The following DICER1 variants were observed in gnomAD, a reference collection of about 807,000 sequenced individuals.
DICER1 encodes endoribonuclease Dicer.
Under a neutral mutation model 194.1 loss-of-function variants are expected in DICER1, and 43 were observed. The ratio of observed to expected loss-of-function variants is 0.22; its 90% confidence interval spans 0.17 to 0.29. The LOEUF (loss-of-function observed/expected upper bound fraction) is 0.29. Among genes scored for constraint, DICER1 ranks in the 10% least tolerant of loss-of-function variants. The pLI is 1.00. For synonymous variants in DICER1, 832 were observed against 820.5 expected, an observed-to-expected ratio of 1.01 and a Z score of -0.24; for missense variants, 1,608 against 2,317.0, an observed-to-expected ratio of 0.69 and a Z score of 6.28.
intron 11 of DICER1, among the ~76,000 whole-genome samples, chr14:95,113,860 G>A (rs1330974529): frequency 6.6e-6 from 1 of 152,212 alleles, no homozygotes; most frequent in Non-Finnish European, 1.5e-5. Flanking sequence ...TGCAGCAAGG[G>A]CACCTGACCA....
At chr14:95,130,706 C>T (rs1339110963) in intron 4 of DICER1, among the ~76,000 whole-genome samples, 1 of 152,178 alleles carries the variant, frequency 6.6e-6, no homozygotes. Context: ...GCCTCTTAAT[C>T]ACTGTGTATC....
chr14:95,157,724 G>A (rs531601246), upstream of DICER1: 13 of 152,324 alleles, frequency 8.5e-5, no homozygotes, highest in African/African-American at 2.9e-4. Flanking sequence ...CTGGACCTTG[G>A]CGTTGGGCCG....
At chr14:95,122,764 A>T (rs1386688702) in intron 8 of DICER1, among the ~76,000 whole-genome samples, 1 of 152,190 alleles carries the variant, frequency 6.6e-6, no homozygotes, top group Admixed American at 6.5e-5. Context: ...TTTGGTCCCT[A>T]AAGTTATTTT....
At chr14:95,135,990 A>G (rs909964707) in intron 1 of DICER1, among the ~76,000 whole-genome samples, 1 of 152,110 alleles carries the variant, frequency 6.6e-6, no homozygotes, top group African/African-American at 2.4e-5. Flanking sequence ...CAATACTCTT[A>G]TTGTTAGAAA....
intron 22 of DICER1, 32 bp downstream of exon 22, chr14:95,099,745 CACA>C: frequency 7.6e-7 from 1 of 1,311,178 alleles, no homozygotes; most frequent in Non-Finnish European, 1.0e-6. Flanking sequence ...CACACACACA[CACA>C]CACACACACA....
At chr14:95,092,989 C>G (rs1250109535) in intron 24 of DICER1, among the ~76,000 whole-genome samples, 1 of 152,196 alleles carries the variant, frequency 6.6e-6, no homozygotes, top group Non-Finnish European at 1.5e-5. Flanking sequence ...CAGTGCACAT[C>G]TGGGCAGCTG....
rs781007779 is a variant in DICER1 at position 95,096,144 on chromosome 14, C to T, written c.4776G>A (p.Pro1592=). 17 of 1,614,040 alleles carry T rather than the reference C, an allele frequency of 1.1e-5. No homozygotes were observed. In the South Asian group the frequency reaches 1.8e-4, roughly 17 times the overall value. ...FLCSLGLKVL[P]VIKRTDREKA... is the part of the protein sequence containing the mutation. ...TTTCCCGATCAGTCCTTTTAATTAC[C>T]GGGAGCACCTTCAGCCCCAGTGAAC... The change falls in exon 23 of 27, where the codon CCG becomes CCA. Residue 1592 remains proline, a synonymous_variant. Coordinates refer to ENST00000343455, the MANE Select transcript of DICER1 (RefSeq NM_177438.3).
At position 95,104,814 on chromosome 14, in the gene DICER1, A is replaced by T. The variant is rs1189454115; in HGVS notation, c.3269+257T>A. 2.0e-5 allele frequency among the ~76,000 whole-genome samples: 3 copies of T among 152,238 alleles called. No individual in the cohort carries two copies. In the South Asian group the frequency reaches 6.2e-4, roughly 31 times the overall value. ...TAACATATATTTGGATTTTTAAAAGAAAAAACAGACTGAAAATGCTGATGC... is the reference window on the plus strand; with the variant it reads ...TAACATATATTTGGATTTTTAAAAGTAAAAACAGACTGAAAATGCTGATGC... On this transcript the variant is annotated intron_variant, in intron 20 of 26. Transcript: ENST00000343455.
rs549262778 is a variant in DICER1 at position 95,124,076 on chromosome 14, G to A, written c.1376+120C>T. ...AGCATGACGTATCAGCAATGATGGC[G>A]CCAAGTCAAGGACACTTACATAACC... is the stretch of plus-strand genomic sequence containing the variant. On this transcript the variant is annotated intron_variant, in intron 8 of 26. Coordinates refer to ENST00000343455, the MANE Select transcript of DICER1 (RefSeq NM_177438.3). This position sits in a 1 kb window ranked among gnomAD's most constrained non-coding sequence, Gnocchi z 4.5. 20 of 732,326 alleles carry A rather than the reference G, an allele frequency of 2.7e-5. No homozygotes were observed. Among genetic ancestry groups the A allele is most frequent in the African/African-American group, 5.2e-5 (3 of 57,228 alleles). The allele number at this position is 732,326 out of a possible 1,614,324, so 45.4% of individuals were successfully genotyped here. A position where few individuals can be genotyped will look rare whatever the true frequency, so the allele number is the denominator to read the frequency against.
intron 3 of DICER1, among the ~76,000 whole-genome samples, chr14:95,132,228 A>T (rs928093780): frequency 6.6e-6 from 1 of 152,230 alleles, no homozygotes; most frequent in Non-Finnish European, 1.5e-5. Context: ...AAGCTAAAAC[A>T]TCAAGAAAAA....
rs1555370957 is a variant in DICER1 at position 95,108,497 on chromosome 14, C to G, written c.2263G>C (p.Glu755Gln). 1 of 1,614,102 alleles carries G rather than the reference C, an allele frequency of 6.2e-7. No individual in the cohort carries two copies. The highest frequency in any genetic ancestry group is 8.5e-7 in the Non-Finnish European group (1 of 1,179,976). ...CTGGGATAACTATCCCTCAAACACT[C>G]TGGAATCTAGAGTTGGAAAGGAAAA... The part of the protein sequence containing the change: ...RRQCYPKAIP[E>Q]CLRDSYPRPD... The change falls in exon 15 of 27, where the codon GAG (glutamate) becomes CAG (glutamine). Residue 755 changes from glutamate (E) to glutamine (Q), a missense_variant. Physicochemically the swap from Glu to Gln is conservative, Grantham distance 29. Transcript: ENST00000343455.
Position 95,090,299 on chromosome 14 carries a change from A to C in DICER1, c.*199T>G. The C allele has an allele frequency of 1.6e-6, 1 of 629,952 alleles. No individual in the cohort carries two copies. Among genetic ancestry groups the C allele is most frequent in the South Asian group, 2.0e-5 (1 of 49,880 alleles). The allele number at this position is 629,952 out of a possible 1,614,324, so 39.0% of individuals were successfully genotyped here. A position where few individuals can be genotyped will look rare whatever the true frequency, so the allele number is the denominator to read the frequency against. Reference sequence around the variant, plus strand: ...TAAGATTGTGTTTGCGCAAAAAACTAAAACTACAATTAGTTCCAAAATTTT... The same window carrying C: ...TAAGATTGTGTTTGCGCAAAAAACTCAAACTACAATTAGTTCCAAAATTTT... On this transcript the variant is annotated 3_prime_UTR_variant, in exon 27 of 27. Transcript: ENST00000343455.
intron 1 of DICER1, among the ~76,000 whole-genome samples, chr14:95,153,171 C>T (rs140817426): frequency 6.6e-6 from 1 of 151,394 alleles, no homozygotes; most frequent in African/African-American, 2.4e-5. Flanking sequence ...GAGCTGAGAT[C>T]GCACCACTGC....
Position 95,088,520 on chromosome 14 carries a change from A to G in DICER1, c.*1978T>C, listed in dbSNP as rs1340369075. 4.3e-6 allele frequency: 1 copy of G among 232,270 alleles called. No homozygotes were observed. Among genetic ancestry groups the G allele is most frequent in the Non-Finnish European group, 8.5e-6 (1 of 117,406 alleles). 14.4% of individuals were successfully genotyped at this position (232,270 alleles called of 1,614,324 possible). A position where few individuals can be genotyped will look rare whatever the true frequency, so the allele number is the denominator to read the frequency against. On this transcript the variant is annotated 3_prime_UTR_variant, in exon 27 of 27. Transcript: ENST00000343455. ...AACTGCACACTTTTACAGTTATATAATTCAAGAATTGCTTTGTTTTAACTG... is the reference window on the plus strand; with the variant it reads ...AACTGCACACTTTTACAGTTATATAGTTCAAGAATTGCTTTGTTTTAACTG...
Position 95,116,460 on chromosome 14 carries a change from A to G in DICER1, c.1745T>C (p.Ile582Thr), listed in dbSNP as rs749686370. Residue 582 changes from isoleucine (I) to threonine (T), a missense_variant, in exon 10 of 27, where the codon ATT (isoleucine) becomes ACT (threonine). Physicochemically the swap from Ile to Thr is moderately conservative, Grantham distance 89. Coordinates refer to ENST00000343455, the MANE Select transcript of DICER1 (RefSeq NM_177438.3). ...TTAATATGTTGATCTTACCTTTTCA[A>G]TAGCTTTGTAGGTTTTAAGGTCTTC... ...FEEDLKTYKA[I>T]EKILRNKCSK... The G allele has an allele frequency of 1.9e-6, 3 of 1,611,810 alleles. No homozygotes were observed. Among genetic ancestry groups the G allele is most frequent in the Non-Finnish European group, 8.5e-7 (1 of 1,179,900 alleles).
At chr14:95,111,564 T>A in intron 13 of DICER1, 108 bp from the exon 14 acceptor site, 1 of 1,201,634 alleles carries the variant, frequency 8.3e-7, no homozygotes, top group Non-Finnish European at 1.2e-6. Context: ...TAATGGAAAC[T>A]AAAGCACCTT....
At chr14:95,101,480 C>A (rs1890871876) in intron 21 of DICER1, among the ~76,000 whole-genome samples, 1 of 152,158 alleles carries the variant, frequency 6.6e-6, no homozygotes, top group Admixed American at 6.5e-5. Context: ...ATTCTCAGAG[C>A]TTCCGTATGG....
rs1425604136 is a variant in DICER1 at position 95,088,630 on chromosome 14, A to C, written c.*1868T>G. 1 of 232,444 alleles carries C rather than the reference A, an allele frequency of 4.3e-6. No homozygotes were observed. Among genetic ancestry groups the C allele is most frequent in the East Asian group, 6.1e-5 (1 of 16,432 alleles). The allele number at this position is 232,444 out of a possible 1,614,324, so 14.4% of individuals were successfully genotyped here. A position where few individuals can be genotyped will look rare whatever the true frequency, so the allele number is the denominator to read the frequency against. ...GAATTAAATATTTTTAAAACAAGTC[A>C]CCTAATTTGCTCAAAAACTCGTTTA... On this transcript the variant is annotated 3_prime_UTR_variant, in exon 27 of 27. Coordinates refer to ENST00000343455, the MANE Select transcript of DICER1 (RefSeq NM_177438.3).
chr14:95,111,299 G>A lies in DICER1; in HGVS notation c.2256+18C>T, dbSNP rs577662393. ...GTCAGAAATGCTAGGTTTTTACTCT[G>A]TTCTAACCAATACTAACTGCTTTTG... On this transcript the variant is annotated intron_variant, in intron 14 of 26. Transcript: ENST00000343455. The A allele has an allele frequency of 4.3e-6, 7 of 1,614,040 alleles. 1 individual carries two copies. In the South Asian group the frequency reaches 5.5e-5, roughly 13 times the overall value.
Sources: allele counts gnomAD v4.1 joint callset (sites outside exome capture counted in the v4.1 genomes callset), GRCh38; gene constraint gnomAD v4.1.1; non-coding constraint Gnocchi (gnomAD v3.1); transcripts MANE v1.5; gene names NCBI Gene and HGNC (gene_info 2026-07-23, HGNC 2026-07-21).